Variants in ARHGAP30 observed in about 807,000 individuals in gnomAD.
The protein encoded by ARHGAP30 is rho GTPase-activating protein 30.
In ARHGAP30, 23 loss-of-function variants were observed where a neutral mutation model predicts 72.0. That is an observed-to-expected ratio of 0.32 (90% confidence interval 0.23 to 0.45). The LOEUF (loss-of-function observed/expected upper bound fraction) is 0.45. ARHGAP30 is among the 20% of genes least tolerant of loss of function. The probability of loss-of-function intolerance (pLI) is 1.00; values close to 1 mark genes in which losing one functional copy is unlikely to be tolerated. For missense variants in ARHGAP30, 1,319 were observed against 1,383.4 expected, an observed-to-expected ratio of 0.95 and a Z score of 0.74; for synonymous variants, 576 against 528.2, an observed-to-expected ratio of 1.09 and a Z score of -1.24.
rs754821279 is a variant in ARHGAP30, at chr1:161,048,630, A to T, written c.2391T>A (p.Asp797Glu). 6.2e-7 allele frequency: 1 copy of T among 1,613,016 alleles called. No homozygotes were observed. Among genetic ancestry groups the T allele is most frequent in the Admixed American group, 1.7e-5 (1 of 59,950 alleles). Residue 797 changes from aspartate to glutamate, a missense_variant, in exon 12 of 12, where the codon GAT becomes GAA. Transcript: ENST00000368013. Reference sequence around the variant, plus strand: ...CCTTCTCCCTCTGTCCTTTGTCCTCATCCTCTCTGACTCCCTCAGCCTCTT... The same window carrying T: ...CCTTCTCCCTCTGTCCTTTGTCCTCTTCCTCTCTGACTCCCTCAGCCTCTT... Reference protein sequence around the residue: ...QKQEAEGVREDEDKGQREKGY... With the variant: ...QKQEAEGVREEEDKGQREKGY...
chr1:161,069,217 T>A lies in ARHGAP30; in HGVS notation c.97+311A>T, dbSNP rs759342959. On this transcript the variant is annotated intron_variant, in intron 1 of 11. Coordinates refer to ENST00000368013, the MANE Select transcript of ARHGAP30 (RefSeq NM_001025598.2). This position sits in a 1 kb window ranked among gnomAD's most constrained non-coding sequence, Gnocchi z 4.9. ...CCTCCCTCTCCTGTTCCCAGTCACCTGCCCGCTGTTTCATCCACTCCTCCT... is the reference window on the plus strand; with the variant it reads ...CCTCCCTCTCCTGTTCCCAGTCACCAGCCCGCTGTTTCATCCACTCCTCCT... Among the ~76,000 whole-genome samples, 5 of 152,130 alleles carry A rather than the reference T, an allele frequency of 3.3e-5. No individual in the cohort carries two copies. The highest frequency in any genetic ancestry group is 5.9e-5 in the Non-Finnish European group (4 of 68,024).
At chr1:161,054,319 G>A (rs1206011462) in intron 5 of ARHGAP30, 47 bp downstream of exon 5, 1 of 1,547,066 alleles carries the variant, frequency 6.5e-7, no homozygotes, top group South Asian at 1.1e-5. Flanking sequence ...CCTCCCAAAG[G>A]CCAGTGTCTC....
At position 161,049,595 on chromosome 1, in the gene ARHGAP30, C is replaced by G. The variant is rs909293664; in HGVS notation, c.1515G>C (p.Glu505Asp). ...CTAGGAAGGAGAAGGAGTCCTGCAC[C>G]TCCTGGGACAGCGAGTCCTCCAGGG... ...APALEDSLSQ[E>D]VQDSFSFLED... Residue 505 changes from glutamate (E) to aspartate (D), a missense_variant, in exon 11 of 12, where the codon GAG becomes GAC. Transcript: ENST00000368013. 2 of 1,614,092 alleles carry G rather than the reference C, an allele frequency of 1.2e-6. No homozygotes were observed. The highest frequency in any genetic ancestry group is 1.7e-6 in the Non-Finnish European group (2 of 1,179,982).
At chr1:161,066,475 C>T (rs1312957713) in intron 1 of ARHGAP30, among the ~76,000 whole-genome samples, 3 of 150,644 alleles carry the variant, frequency 2.0e-5, no homozygotes, top group African/African-American at 2.4e-5. Flanking sequence ...GGCAAAACCC[C>T]GTCTCCACTA....
rs1035614070 is a variant in ARHGAP30, at chr1:161,048,611, C to G, written c.2410G>C (p.Glu804Gln). The change falls in exon 12 of 12, where the codon GAG (glutamate) becomes CAG (glutamine). Residue 804 changes from glutamate (E) to glutamine (Q), a missense_variant. By Grantham distance (29) the Glu-to-Gln change is conservative. Coordinates refer to ENST00000368013, the MANE Select transcript of ARHGAP30 (RefSeq NM_001025598.2). The part of the protein sequence containing the change: ...VREDEDKGQR[E>Q]KGYHEARKDQ... ...TTTCTTGCTTCATGGTACCCCTTCT[C>G]CCTCTGTCCTTTGTCCTCATCCTCT... is the stretch of plus-strand genomic sequence containing the variant. 1.2e-6 allele frequency: 2 copies of G among 1,614,056 alleles called. No homozygotes were observed. The highest frequency in any genetic ancestry group is 1.7e-6 in the Non-Finnish European group (2 of 1,180,008).
In ARHGAP30 at chr1:161,048,472, C is replaced by T. The variant is rs905257823; in HGVS notation, c.2549G>A (p.Arg850Lys). 1.2e-6 allele frequency: 2 copies of T among 1,614,174 alleles called. No individual in the cohort carries two copies. The highest frequency in any genetic ancestry group is 1.3e-5 in the African/African-American group (1 of 75,040). The change falls in exon 12 of 12, where the codon AGG (arginine) becomes AAG (lysine). Residue 850 changes from arginine to lysine, a missense_variant. Physicochemically the swap from Arg to Lys is conservative, Grantham distance 26 (BLOSUM62 2). Coordinates refer to ENST00000368013, the MANE Select transcript of ARHGAP30 (RefSeq NM_001025598.2). ...CTCTTCTAAATAGTACCCTCCAGCC[C>T]TCTGGTCTCCCTCAGCCTCTCCATC... is the stretch of plus-strand genomic sequence containing the variant. ...SGDGEAEGDQRAGGYYLEEDT... is the reference protein window; with the variant it reads ...SGDGEAEGDQKAGGYYLEEDT...
chr1:161,051,790 G>A, intron 9 of ARHGAP30, 75 bp from the exon 10 acceptor site: 1 of 1,457,626 alleles, frequency 6.9e-7, no homozygotes. Flanking sequence ...GAAGGCTCTG[G>A]AGAATGCTCT....
At position 161,047,971 on chromosome 1, in the gene ARHGAP30, C is replaced by G; in HGVS notation, c.3050G>C (p.Arg1017Pro). ...CCCACCCTCAGTACAGGTCTGGGTTCGCCGAACTCCTTGAGCCTCAGTCCT... is the reference window on the plus strand; with the variant it reads ...CCCACCCTCAGTACAGGTCTGGGTTGGCCGAACTCCTTGAGCCTCAGTCCT... ...RQRTEAQGVR[R>P]TQTCTEGGDY... The change falls in exon 12 of 12, where the codon CGA (arginine) becomes CCA (proline). Residue 1017 changes from arginine to proline, a missense_variant. Coordinates refer to ENST00000368013, the MANE Select transcript of ARHGAP30 (RefSeq NM_001025598.2). 6.2e-7 allele frequency: 1 copy of G among 1,614,066 alleles called. No homozygotes were observed. The highest frequency in any genetic ancestry group is 8.5e-7 in the Non-Finnish European group (1 of 1,179,992).
rs773773183 is a variant in ARHGAP30 at position 161,048,837 on chromosome 1, A to G, written c.2184T>C (p.Ser728=). Residue 728 remains serine (S), a synonymous_variant, in exon 12 of 12, where the codon AGT becomes AGC. Coordinates refer to ENST00000368013, the MANE Select transcript of ARHGAP30 (RefSeq NM_001025598.2). ...GTTCCTCCACACCTTTAGCCTCCATACTGTCAGCCTTCTTCTGACCTTTGG... is the reference window on the plus strand; with the variant it reads ...GTTCCTCCACACCTTTAGCCTCCATGCTGTCAGCCTTCTTCTGACCTTTGG... The part of the protein sequence containing the change: ...EKSKGQKKAD[S]MEAKGVEEPG... The G allele has an allele frequency of 1.9e-6, 3 of 1,613,482 alleles. No individual in the cohort carries two copies. In the African/African-American group the frequency reaches 4.0e-5, roughly 22 times the overall value.
In ARHGAP30 at chr1:161,049,118, C is replaced by T. The variant is rs750999799; in HGVS notation, c.1903G>A (p.Gly635Arg). 1.9e-6 allele frequency: 3 copies of T among 1,614,078 alleles called. No individual in the cohort carries two copies. The highest frequency in any genetic ancestry group is 2.7e-5 in the African/African-American group (2 of 74,932). Reference protein sequence around the residue: ...PIWKGSGSLEGEAAGCGRQAL... With the variant: ...PIWKGSGSLEREAAGCGRQAL... ...TGCCTTCCACATCCTGCTGCCTCTC[C>T]CTCCAGACTCCCTGAACCCTTCCAG... Residue 635 changes from glycine (G) to arginine (R), a missense_variant, in exon 12 of 12, where the codon GGA becomes AGA. Gly to Arg is a moderately radical substitution (Grantham distance 125). This residue lies in a region of ARHGAP30 where 1,097 missense variants were observed against 1,045.2 expected (regional missense o/e 1.05). Coordinates refer to ENST00000368013, the MANE Select transcript of ARHGAP30 (RefSeq NM_001025598.2).
At chr1:161,052,218 G>T in intron 9 of ARHGAP30, 68 bp downstream of exon 9, 1 of 1,554,492 alleles carries the variant, frequency 6.4e-7, no homozygotes. Context: ...TTGGCTGCAT[G>T]TACACACAAG....
chr1:161,052,879 C>G, intron 6 of ARHGAP30, 82 bp from the exon 7 acceptor site: 3 of 1,512,750 alleles, frequency 2.0e-6, no homozygotes, highest in Non-Finnish European at 2.7e-6. Flanking sequence ...TCACCCCTCG[C>G]CAACTACCAG....
rs200908550 is a variant in ARHGAP30 at position 161,052,423 on chromosome 1, C to A, written c.940+17G>T. ...TGTGCACCCTCAGCAGAGCTCCCCC[C>A]ATCTCCCCAGACTTACCCCTGTCCT... On this transcript the variant is annotated intron_variant, in intron 8 of 11. Transcript: ENST00000368013. The A allele has an allele frequency of 1.9e-6, 3 of 1,613,810 alleles. No individual in the cohort carries two copies. The highest frequency in any genetic ancestry group is 1.7e-5 in the Admixed American group (1 of 59,974).
chr1:161,055,822 TAAAATAA>T (rs1557926186), intron 3 of ARHGAP30, among the ~76,000 whole-genome samples: 48 of 38,256 alleles, frequency 1.3e-3, no homozygotes, highest in Middle Eastern at 0.02. Context: ...TAAAATAAAA[TAAAATAA>T]AATAAAATAA....
chr1:161,053,508 A>ATCTCTCTCTCTCTCTC (rs1553217392), intron 5 of ARHGAP30, 123 bp from the exon 6 acceptor site: 14 of 720,018 alleles, frequency 1.9e-5, no homozygotes, highest in Non-Finnish European at 1.8e-5. Flanking sequence ...CTCTCTCTCG[A>ATCTCTCTCTCTCTCTC]ATGACCTTAA....
intron 3 of ARHGAP30, 141 bp from the exon 4 acceptor site, chr1:161,054,846 G>C: frequency 1.4e-6 from 1 of 731,880 alleles, no homozygotes; most frequent in Non-Finnish European, 2.3e-6. Flanking sequence ...GCGGTGCACT[G>C]ACTTGGTAGA....
rs72712893 is a variant in ARHGAP30, at chr1:161,067,049, C to G, written c.97+2479G>C. On this transcript the variant is annotated intron_variant, in intron 1 of 11. Coordinates refer to ENST00000368013, the MANE Select transcript of ARHGAP30 (RefSeq NM_001025598.2). ...TCCAGAGTCCTTTAAAGGGGACACT[C>G]AAAAGCCTAAGGAGTCACAGCCATA... Among the ~76,000 whole-genome samples, 1,050 of 152,174 alleles carry G rather than the reference C, an allele frequency of 6.9e-3. 5 individuals carry two copies. Among genetic ancestry groups the G allele is most frequent in the Non-Finnish European group, 0.01 (690 of 68,028 alleles).
intron 3 of ARHGAP30, among the ~76,000 whole-genome samples, chr1:161,055,910 T>A (rs866938146): frequency 3.2e-4 from 8 of 25,180 alleles, no homozygotes; most frequent in South Asian, 7.9e-4. Context: ...TAAAATAAAA[T>A]AAAATAAAAT....
At position 161,049,323 on chromosome 1, in the gene ARHGAP30, G is replaced by A. The variant is rs1346326231; in HGVS notation, c.1698C>T (p.Phe566=). ...LLGVGPQVEE[F]SVEPPLDDLS... is the part of the protein sequence containing the mutation. ...GGTCATCCAGGGGTGGCTCCACAGA[G>A]AACTCCTCCACCTGTAGGCACAGCA... The change falls in exon 12 of 12, where the codon TTC becomes TTT. Residue 566 remains phenylalanine, a synonymous_variant. Coordinates refer to ENST00000368013, the MANE Select transcript of ARHGAP30 (RefSeq NM_001025598.2). The A allele has an allele frequency of 1.9e-6, 3 of 1,613,176 alleles. No homozygotes were observed. Among genetic ancestry groups the A allele is most frequent in the Non-Finnish European group, 2.5e-6 (3 of 1,179,462 alleles).
Sources: allele counts gnomAD v4.1 joint callset (sites outside exome capture counted in the v4.1 genomes callset), GRCh38; gene constraint gnomAD v4.1.1; regional missense constraint gnomAD v4.1.1; non-coding constraint Gnocchi (gnomAD v3.1); transcripts MANE v1.5; gene names NCBI Gene and HGNC (gene_info 2026-07-23, HGNC 2026-07-21).